The following ATF7IP2 variants were observed in gnomAD, a reference collection of about 807,000 sequenced individuals.
ATF7IP2 encodes the protein activating transcription factor 7-interacting protein 2.
ATF7IP2 carries 42 observed loss-of-function variants against 64.2 expected under a neutral mutation model. The ratio of observed to expected loss-of-function variants is 0.65; its 90% CI spans 0.51 to 0.85. The LOEUF (loss-of-function observed/expected upper bound fraction) is 0.85. Among genes scored for constraint, ATF7IP2 ranks in the 40% least tolerant of loss-of-function variants. The pLI is 0.00. For synonymous variants in ATF7IP2, 308 were observed against 272.8 expected, an observed-to-expected ratio of 1.13 and a Z score of -1.27; for missense variants, 933 against 784.2, an observed-to-expected ratio of 1.19 and a Z score of -2.27.
chr16:10,459,740 C>A (rs1323442713), intron 9 of ATF7IP2, among the ~76,000 whole-genome samples: 1 of 152,122 alleles, frequency 6.6e-6, no homozygotes, highest in African/African-American at 2.4e-5. Flanking sequence ...ATAAAATACC[C>A]ATTTATGATT....
intron 9 of ATF7IP2, among the ~76,000 whole-genome samples, chr16:10,457,948 G>C (rs899998007): frequency 1.3e-5 from 2 of 152,202 alleles, no homozygotes; most frequent in Admixed American, 1.3e-4. Context: ...CTGGGCTCAG[G>C]CAATCTGTCT....
intron 1 of ATF7IP2, among the ~76,000 whole-genome samples, chr16:10,399,622 C>A (rs960366045): frequency 6.6e-6 from 1 of 152,198 alleles, no homozygotes; most frequent in Non-Finnish European, 1.5e-5. Context: ...TCAGGTAATG[C>A]AATATCTTCA....
chr16:10,417,787 A>G (rs2047908786), intron 2 of ATF7IP2, among the ~76,000 whole-genome samples: 1 of 152,214 alleles, frequency 6.6e-6, no homozygotes, highest in South Asian at 2.1e-4. Flanking sequence ...CTCACAAATG[A>G]CAGTAATCAA....
intron 1 of ATF7IP2, among the ~76,000 whole-genome samples, chr16:10,405,570 T>G (rs1319758622): frequency 6.6e-6 from 1 of 152,064 alleles, no homozygotes; most frequent in Non-Finnish European, 1.5e-5. Context: ...TACAGAAACA[T>G]TCTTATCACA....
intron 8 of ATF7IP2, among the ~76,000 whole-genome samples, chr16:10,443,445 C>A (rs544241875): frequency 6.8e-4 from 103 of 152,126 alleles, no homozygotes; most frequent in Non-Finnish European, 1.3e-3. Context: ...GATTTGAAGG[C>A]CATGCAAGTA....
chr16:10,413,696 C>G (rs1468020414), intron 1 of ATF7IP2, among the ~76,000 whole-genome samples: 1 of 152,126 alleles, frequency 6.6e-6, no homozygotes, highest in African/African-American at 2.4e-5. Flanking sequence ...AGATTTAGAG[C>G]TCCTTATAGC....
At chr16:10,459,312 TA>T (rs2049291268) in intron 9 of ATF7IP2, among the ~76,000 whole-genome samples, 1 of 151,518 alleles carries the variant, frequency 6.6e-6, no homozygotes, top group African/African-American at 2.4e-5. Flanking sequence ...ACTAAAAATA[TA>T]AAAAATTAGC....
At chr16:10,476,440 A>AT (rs2050010161) in intron 12 of ATF7IP2, among the ~76,000 whole-genome samples, 1 of 152,118 alleles carries the variant, frequency 6.6e-6, no homozygotes. Context: ...ACTTTCCAAT[A>AT]TAAACCCCCT....
At chr16:10,396,401 A>G (rs143836296) in intron 1 of ATF7IP2, among the ~76,000 whole-genome samples, 108 of 152,194 alleles carry the variant, frequency 7.1e-4, no homozygotes, top group African/African-American at 2.5e-3. Flanking sequence ...TTAGTGGTCT[A>G]TTTTTGCCTT....
chr16:10,472,615 G>T (rs1271996791), intron 10 of ATF7IP2, among the ~76,000 whole-genome samples: 1 of 151,954 alleles, frequency 6.6e-6, no homozygotes, highest in Admixed American at 6.6e-5. Context: ...AAGCACTTTG[G>T]GAGGCTGAGG....
chr16:10,389,626 A>G (rs2047281267), intron 1 of ATF7IP2, among the ~76,000 whole-genome samples: 1 of 152,240 alleles, frequency 6.6e-6, no homozygotes, highest in East Asian at 1.9e-4. Flanking sequence ...GTAACTCAAG[A>G]AACAGTATGA....
chr16:10,474,368 C>G (rs866982182), intron 12 of ATF7IP2, among the ~76,000 whole-genome samples: 2 of 152,032 alleles, frequency 1.3e-5, no homozygotes, highest in Admixed American at 6.5e-5. Flanking sequence ...CCAAGAGTAG[C>G]CCGTGGTGTG....
At chr16:10,445,062 G>C (rs551956321) in intron 8 of ATF7IP2, among the ~76,000 whole-genome samples, 119 of 152,182 alleles carry the variant, frequency 7.8e-4, no homozygotes, top group Non-Finnish European at 1.3e-3. Context: ...TTTAGAGTTT[G>C]CTTATTAGTT....
At chr16:10,462,366 T>A (rs1026075705) in intron 9 of ATF7IP2, among the ~76,000 whole-genome samples, 2 of 152,070 alleles carry the variant, frequency 1.3e-5, no homozygotes, top group African/African-American at 4.8e-5. Context: ...AGATCTCCAT[T>A]TATTATTTCT....
chr16:10,453,823 G>A (rs936776195), intron 8 of ATF7IP2, among the ~76,000 whole-genome samples: 1 of 151,938 alleles, frequency 6.6e-6, no homozygotes, highest in Non-Finnish European at 1.5e-5. Flanking sequence ...CTCCATGTTG[G>A]TCAGGCTGGT....
Position 10,483,029 on chromosome 16 carries a change from T to C in ATF7IP2, c.*780T>C, listed in dbSNP as rs2050293483. ...ATGCCTGGCCAAAAATTAAAAGATT[T>C]TATGAAACGAAATGGCTTCCCATTC... On this transcript the variant is annotated 3_prime_UTR_variant, in exon 14 of 14. Coordinates refer to ENST00000562102, the MANE Select transcript of ATF7IP2 (RefSeq NM_001393719.1). 6.6e-6 allele frequency: 1 copy of C among 152,264 alleles called. No homozygotes were observed. The highest frequency in any genetic ancestry group is 6.5e-5 in the Admixed American group (1 of 15,290). 9.4% of individuals were successfully genotyped at this position (152,264 alleles called of 1,614,324 possible). A position where few individuals can be genotyped will look rare whatever the true frequency, so the allele number is the denominator to read the frequency against.
chr16:10,463,720 G>A (rs1030712649), intron 9 of ATF7IP2, among the ~76,000 whole-genome samples: 7 of 152,196 alleles, frequency 4.6e-5, no homozygotes, highest in Non-Finnish European at 7.3e-5. Context: ...CTGAGATAAT[G>A]AATGTTTGGA....
intron 9 of ATF7IP2, among the ~76,000 whole-genome samples, chr16:10,464,642 T>C (rs1042368855): frequency 2.0e-5 from 3 of 152,212 alleles, no homozygotes; most frequent in Admixed American, 6.5e-5. Context: ...GTAGACCATT[T>C]CACCAATACT....
At chr16:10,434,503 T>A (rs1478418124) in intron 6 of ATF7IP2, among the ~76,000 whole-genome samples, 1 of 152,160 alleles carries the variant, frequency 6.6e-6, no homozygotes, top group African/African-American at 2.4e-5. Flanking sequence ...TAGTTACATA[T>A]ACTATGAATG....
Sources: gnomAD v4.1 joint callset for allele counts (sites outside exome capture counted in the v4.1 genomes callset) on GRCh38, gnomAD v4.1.1 for gene constraint, MANE v1.5 for transcripts, NCBI Gene and HGNC (gene_info 2026-07-23, HGNC 2026-07-21) for gene names.